The following GABRB2 variants were observed in gnomAD, a reference collection of about 807,000 sequenced individuals.
The protein encoded by GABRB2 is gamma-aminobutyric acid type A receptor subunit beta2, also known as gamma-aminobutyric acid receptor subunit beta-2.
A neutral mutation model predicts 54.7 loss-of-function variants in GABRB2; 16 were observed. The observed-to-expected ratio is 0.29, with a 90% CI of 0.20 to 0.44. The LOEUF (loss-of-function observed/expected upper bound fraction) is 0.44, where lower values mean the gene tolerates loss of function less well. Ranked by LOEUF, GABRB2 falls within the 20% of genes least tolerant of loss-of-function variation. The pLI is 1.00. For synonymous variants in GABRB2, 244 were observed against 233.8 expected (o/e 1.04, Z -0.40); for missense variants, 355 against 644.0 (o/e 0.55, Z 4.86).
In GABRB2 at chr5:161,318,215, T is replaced by C. The variant is rs1026198879; in HGVS notation, c.1191+8153A>G. ...ATTGGTAAGAGAGAGAGAAAATATA[T>C]ATAGAAATTAAATATTTTTGCAAGG... On this transcript the variant is annotated intron_variant, in intron 9 of 9. Coordinates refer to ENST00000393959, the MANE Select transcript of GABRB2 (RefSeq NM_001371727.1). Among the ~76,000 whole-genome samples, 11 of 151,986 alleles carry C rather than the reference T, an allele frequency of 7.2e-5. No individual in the cohort carries two copies. In the South Asian group the frequency reaches 1.9e-3, roughly 26 times the overall value.
chr5:161,376,283 T>C (rs1755293703), intron 5 of GABRB2, among the ~76,000 whole-genome samples: 1 of 152,100 alleles, frequency 6.6e-6, no homozygotes, highest in Non-Finnish European at 1.5e-5. Flanking sequence ...TAATTAAACT[T>C]AGTTTATGCG....
In GABRB2 at chr5:161,305,032, C is replaced by T. The variant is rs1428083302; in HGVS notation, c.1192-10604G>A. Among the ~76,000 whole-genome samples the T allele has an allele frequency of 7.6e-5, 8 of 105,742 alleles. No individual in the cohort carries two copies. In the South Asian group the frequency reaches 1.5e-3, roughly 20 times the overall value. 69.4% of individuals were successfully genotyped at this position (105,742 alleles called of 152,430 possible). A position where few individuals can be genotyped will look rare whatever the true frequency, so the allele number is the denominator to read the frequency against. On this transcript the variant is annotated intron_variant, in intron 9 of 9. Coordinates refer to ENST00000393959, the MANE Select transcript of GABRB2 (RefSeq NM_001371727.1). ...TTTTTTTTTTTTTTTTTTTTTGAGA[C>T]GGAGTCTCGCTCTGTCGCCCAGGCC...
Position 161,294,015 on chromosome 5 carries a change from C to T in GABRB2, c.*66G>A. ...CCTGGATTGATGTGTTTTCCAAGTC[C>T]TACATCAGGCTGTACAACTGGTTTG... On this transcript the variant is annotated 3_prime_UTR_variant, in exon 10 of 10. Transcript: ENST00000393959. 2 of 1,232,522 alleles carry T rather than the reference C, an allele frequency of 1.6e-6. No individual in the cohort carries two copies. The highest frequency in any genetic ancestry group is 2.4e-5 in the East Asian group (1 of 42,044). The allele number at this position is 1,232,522 out of a possible 1,614,324, so 76.3% of individuals were successfully genotyped here.
At chr5:161,309,077 G>A (rs1188284663) in intron 9 of GABRB2, among the ~76,000 whole-genome samples, 1 of 151,890 alleles carries the variant, frequency 6.6e-6, no homozygotes, top group Non-Finnish European at 1.5e-5. Context: ...ACAACTTACA[G>A]AATGAGAGAA....
Position 161,330,895 on chromosome 5 carries a change from C to T in GABRB2, c.1065G>A (p.Leu355=), listed in dbSNP as rs1307712698. The change falls in exon 8 of 10, where the codon CTG becomes CTA. Residue 355 remains leucine (L), a synonymous_variant. Transcript: ENST00000393959. ...CCTCTGAATTTACCTTGTTGACATC[C>T]AGGCGCATCTTCTCATTGTTGGCAC... ...AASANNEKMR[L]DVNKIFYKDI... is the part of the protein sequence containing the mutation. 4 of 1,614,104 alleles carry T rather than the reference C, an allele frequency of 2.5e-6. No individual in the cohort carries two copies. The Admixed American group carries it at 6.7e-5, about 27-fold the overall frequency.
At chr5:161,458,320 T>C (rs1015093036) in intron 4 of GABRB2, among the ~76,000 whole-genome samples, 3 of 152,230 alleles carry the variant, frequency 2.0e-5, no homozygotes, top group Non-Finnish European at 4.4e-5. Context: ...CTCTTCTATT[T>C]CCTTCTTTTC....
chr5:161,455,813 A>G (rs942818832), intron 4 of GABRB2, among the ~76,000 whole-genome samples: 5 of 152,112 alleles, frequency 3.3e-5, no homozygotes, highest in African/African-American at 1.2e-4. Flanking sequence ...GATTACAGGC[A>G]TGCCCAGACC....
intron 9 of GABRB2, among the ~76,000 whole-genome samples, chr5:161,324,939 G>A (rs935885380): frequency 2.0e-5 from 3 of 151,902 alleles, no homozygotes; most frequent in Non-Finnish European, 2.9e-5. Flanking sequence ...GAGTATTAAC[G>A]CTTTCAAGCC....
At chr5:161,391,911 C>T (rs1370787440) in intron 5 of GABRB2, among the ~76,000 whole-genome samples, 1 of 152,204 alleles carries the variant, frequency 6.6e-6, no homozygotes, top group Non-Finnish European at 1.5e-5. Context: ...TATGTTCCCA[C>T]ACCAGGGAGC....
chr5:161,364,811 T>C lies in GABRB2; in HGVS notation c.542-28042A>G, dbSNP rs371138426. Among the ~76,000 whole-genome samples, 35 of 152,280 alleles carry C rather than the reference T, an allele frequency of 2.3e-4. 1 individual carries two copies. The East Asian group carries it at 4.2e-3, about 18-fold the overall frequency. ...GGTTTCTTACAAATTCATTTTAAAT[T>C]ATTGAATAATTTTTATATTATTTAA... On this transcript the variant is annotated intron_variant, in intron 5 of 9. Transcript: ENST00000393959.
chr5:161,410,937 G>A (rs1276598392), intron 5 of GABRB2, 38 bp downstream of exon 5: 1 of 1,513,554 alleles, frequency 6.6e-7, no homozygotes, highest in East Asian at 2.3e-5. Flanking sequence ...GAACCTTAAA[G>A]CAGAGTCCAG....
chr5:161,484,311 A>C (rs1174369243), intron 3 of GABRB2, among the ~76,000 whole-genome samples: 1 of 151,998 alleles, frequency 6.6e-6, no homozygotes, highest in African/African-American at 2.4e-5. Context: ...AAAAGAAGTC[A>C]TCAACTTGTG....
At chr5:161,457,925 T>C (rs1758008183) in intron 4 of GABRB2, among the ~76,000 whole-genome samples, 1 of 152,164 alleles carries the variant, frequency 6.6e-6, no homozygotes, top group Admixed American at 6.5e-5. Context: ...ATAGGTATTC[T>C]GGAGAAACAG....
At chr5:161,443,120 C>T (rs1757514756) in intron 4 of GABRB2, among the ~76,000 whole-genome samples, 1 of 152,070 alleles carries the variant, frequency 6.6e-6, no homozygotes, top group Non-Finnish European at 1.5e-5. Flanking sequence ...CTCCCTGCTT[C>T]CTATTCTTCT....
Position 161,514,689 on chromosome 5 carries a change from C to T in GABRB2, c.237+30538G>A, listed in dbSNP as rs997397133. Among the ~76,000 whole-genome samples, 10 of 152,054 alleles carry T rather than the reference C, an allele frequency of 6.6e-5. No individual in the cohort carries two copies. In the East Asian group the frequency reaches 1.2e-3, roughly 18 times the overall value. ...ATTATGTGCTCTAAATTATGAAACA[C>T]GTACAGTGGCTCCATAATCACTTAG... On this transcript the variant is annotated intron_variant, in intron 3 of 9. Coordinates refer to ENST00000393959, the MANE Select transcript of GABRB2 (RefSeq NM_001371727.1).
rs905104259 is a variant in GABRB2, at chr5:161,518,054, C to T, written c.237+27173G>A. Among the ~76,000 whole-genome samples the T allele has an allele frequency of 2.1e-4, 32 of 152,136 alleles. 1 individual carries two copies. The highest frequency in any genetic ancestry group is 7.7e-4 in the African/African-American group (32 of 41,448). ...CGATCTCCTGACCTCGTGATCGGCC[C>T]GCCCCAGCCTCCCAAAGTGCTAGGA... On this transcript the variant is annotated intron_variant, in intron 3 of 9. Transcript: ENST00000393959.
chr5:161,398,753 G>A (rs1369856766), intron 5 of GABRB2, among the ~76,000 whole-genome samples: 3 of 151,832 alleles, frequency 2.0e-5, no homozygotes, highest in African/African-American at 7.3e-5. Context: ...TCAGTGGCGC[G>A]ATCTCAGCTC....
chr5:161,321,258 G>A (rs1758200327), intron 9 of GABRB2, among the ~76,000 whole-genome samples: 1 of 152,146 alleles, frequency 6.6e-6, no homozygotes, highest in South Asian at 2.1e-4. Flanking sequence ...CTAAGTTCCT[G>A]TTATAAATTA....
intron 5 of GABRB2, among the ~76,000 whole-genome samples, chr5:161,378,759 G>T (rs1004135081): frequency 1.3e-5 from 2 of 152,058 alleles, no homozygotes; most frequent in African/African-American, 4.8e-5. Context: ...GAAATGCCAC[G>T]AAATGTCTCA....
Sources: allele counts gnomAD v4.1 joint callset (sites outside exome capture counted in the v4.1 genomes callset), GRCh38; gene constraint gnomAD v4.1.1; transcripts MANE v1.5; gene names NCBI Gene and HGNC (gene_info 2026-07-23, HGNC 2026-07-21).